The following C3orf52 variants were observed in gnomAD, a reference collection of about 807,000 sequenced individuals.
C3orf52 encodes chromosome 3 open reading frame 52, also known as TPA-induced transmembrane protein.
Under a neutral mutation model 24.8 loss-of-function variants are expected in C3orf52, and 22 were observed. The ratio of observed to expected loss-of-function variants is 0.89; its 90% confidence interval spans 0.63 to 1.27. The LOEUF is 1.27. C3orf52 is among the 50% of genes most tolerant of loss of function. C3orf52 has a pLI of 0.00. For synonymous variants in C3orf52, 93 were observed against 100.2 expected (o/e 0.93, Z 0.43); for missense variants, 265 against 260.7 (o/e 1.02, Z -0.11).
intron 5 of C3orf52, among the ~76,000 whole-genome samples, chr3:112,116,173 C>G (rs16859220): frequency 6.6e-6 from 1 of 152,160 alleles, no homozygotes. Flanking sequence ...AGGCTGGACT[C>G]CTGGTCTGTA....
chr3:112,120,057 G>T (rs1469990743), downstream of C3orf52, among the ~76,000 whole-genome samples: 1 of 152,174 alleles, frequency 6.6e-6, no homozygotes, highest in African/African-American at 2.4e-5. Flanking sequence ...GGAGAGGGAG[G>T]GCCCTCAGAC....
At chr3:112,133,288 G>T (rs2074503022), downstream of C3orf52, 1 of 703,002 alleles carries the variant, frequency 1.4e-6, no homozygotes, top group Admixed American at 2.4e-5. Context: ...GGAAGAGGCT[G>T]GGGGAGGAGT....
intron 4 of C3orf52, chr3:112,123,530 G>T (rs756370127): frequency 1.2e-6 from 2 of 1,614,090 alleles, no homozygotes; most frequent in East Asian, 4.5e-5. Context: ...AGGAGATTCT[G>T]TGAGGCATGA....
chr3:112,119,988 G>T (rs1353550781), downstream of C3orf52, among the ~76,000 whole-genome samples: 1 of 152,206 alleles, frequency 6.6e-6, no homozygotes, highest in African/African-American at 2.4e-5. Context: ...CTCAGTTCAG[G>T]CTTAGCTGAC....
chr3:112,125,162 G>A, intron 4 of C3orf52: 2 of 1,051,000 alleles, frequency 1.9e-6, no homozygotes, highest in African/African-American at 1.6e-5. Flanking sequence ...AACTTCTCCT[G>A]CCATTTAGGG....
chr3:112,130,618 C>A (rs2074430706), downstream of C3orf52: 5 of 1,001,610 alleles, frequency 5.0e-6, no homozygotes, highest in East Asian at 9.5e-5. Flanking sequence ...TTGTGTGTAA[C>A]TCAGAAATTG....
At chr3:112,131,101 T>A (rs1364232249), downstream of C3orf52, 1 of 153,104 alleles carries the variant, frequency 6.5e-6, no homozygotes, top group African/African-American at 2.4e-5. Context: ...CACTACTTAC[T>A]ATATGCCAAT....
intron 2 of C3orf52, among the ~76,000 whole-genome samples, chr3:112,094,723 C>T (rs565789829): frequency 3.3e-5 from 5 of 152,236 alleles, no homozygotes; most frequent in South Asian, 4.1e-4. Flanking sequence ...TATTAGTATT[C>T]GTTAAAGTTT....
In C3orf52 at chr3:112,117,012, G is replaced by C; in HGVS notation, c.*366G>C. The C allele has an allele frequency of 7.9e-7, 1 of 1,263,686 alleles. No individual in the cohort carries two copies. The allele number at this position is 1,263,686 out of a possible 1,614,324, so 78.3% of individuals were successfully genotyped here. A position where few individuals can be genotyped will look rare whatever the true frequency, so the allele number is the denominator to read the frequency against. On this transcript the variant is annotated 3_prime_UTR_variant, in exon 6 of 6. Coordinates refer to ENST00000264848, the MANE Select transcript of C3orf52 (RefSeq NM_024616.3). ...TCTGTCGCTTAGCTGGAGTGCGGTG[G>C]CGTGATCATGGCACTGCTATTCTTG...
At chr3:112,130,320 T>C (rs4276157), downstream of C3orf52, 523,035 of 768,608 alleles carry the variant, frequency 0.68, 178,964 homozygotes, top group East Asian at 0.78. Context: ...TTCACATTTG[T>C]TACTATTGCA....
chr3:112,109,530 TC>T lies in C3orf52; in HGVS notation c.397-12del. ...GGTAATGTGTGTGGTTTAATTTGCT[TC>T]TGTTTGTTTAGCTCACAGATGTGTA... On this transcript the variant is annotated splice_polypyrimidine_tract_variant and intron_variant, in intron 3 of 5. Coordinates refer to ENST00000264848, the MANE Select transcript of C3orf52 (RefSeq NM_024616.3). The T allele has an allele frequency of 6.5e-7, 1 of 1,533,650 alleles. No homozygotes were observed. The highest frequency in any genetic ancestry group is 8.9e-7 in the Non-Finnish European group (1 of 1,128,190).
Position 112,117,189 on chromosome 3 carries a change from C to A in C3orf52, c.*543C>A. 1 of 550,560 alleles carries A rather than the reference C, an allele frequency of 1.8e-6. No individual in the cohort carries two copies. Among genetic ancestry groups the A allele is most frequent in the Non-Finnish European group, 3.2e-6 (1 of 311,266 alleles). The allele number at this position is 550,560 out of a possible 1,614,324, so 34.1% of individuals were successfully genotyped here. ...GCCAATTATTCACTGAAGTCATCCT[C>A]CTCCCCCCCACCATTCGATTTGATC... On this transcript the variant is annotated 3_prime_UTR_variant, in exon 6 of 6. Coordinates refer to ENST00000264848, the MANE Select transcript of C3orf52 (RefSeq NM_024616.3).
chr3:112,127,924 C>G, intron 4 of C3orf52: 1 of 1,029,430 alleles, frequency 9.7e-7, no homozygotes, highest in Non-Finnish European at 1.5e-6. Context: ...CAGGCTTCCA[C>G]TGTGGCCACA....
At chr3:112,118,336 A>C (rs2107793036), downstream of C3orf52, 1 of 152,244 alleles carries the variant, frequency 6.6e-6, no homozygotes, top group African/African-American at 2.4e-5. Context: ...GGTGAATAAG[A>C]TCAAGCCAAG....
At chr3:112,099,543 A>G (rs899834169) in intron 2 of C3orf52, among the ~76,000 whole-genome samples, 3 of 152,182 alleles carry the variant, frequency 2.0e-5, no homozygotes, top group African/African-American at 7.2e-5. Context: ...ACCCTAATAC[A>G]TGCTAATTCA....
chr3:112,093,432 A>C lies in C3orf52; in HGVS notation c.211A>C (p.Thr71Pro). 1 of 1,613,680 alleles carries C rather than the reference A, an allele frequency of 6.2e-7. No individual in the cohort carries two copies. The highest frequency in any genetic ancestry group is 8.5e-7 in the Non-Finnish European group (1 of 1,179,718). Reference sequence around the variant, plus strand: ...AAGATGCAAACTGTGGATGATCATCACCTCCATTTTCCTAGGTGTCATTAC... The same window carrying C: ...AAGATGCAAACTGTGGATGATCATCCCCTCCATTTTCCTAGGTGTCATTAC... Reference protein sequence around the residue: ...VGRCKLWMIITSIFLGVITVI... With the variant: ...VGRCKLWMIIPSIFLGVITVI... Residue 71 changes from threonine to proline, a missense_variant, in exon 2 of 6, where the codon ACC (threonine) becomes CCC (proline). Transcript: ENST00000264848.
chr3:112,098,380 G>A (rs2073943186), intron 2 of C3orf52, among the ~76,000 whole-genome samples: 1 of 152,076 alleles, frequency 6.6e-6, no homozygotes, highest in Non-Finnish European at 1.5e-5. Flanking sequence ...GGGTTCATGA[G>A]GCTTCTCTTC....
intron 4 of C3orf52, chr3:112,125,319 G>A (rs2107802624): frequency 2.7e-6 from 3 of 1,111,894 alleles, no homozygotes; most frequent in East Asian, 4.7e-5. Context: ...AAGAGCAGGG[G>A]AGGCTAGAAT....
At chr3:112,135,756 T>C (rs561558320), downstream of C3orf52, among the ~76,000 whole-genome samples, 1 of 152,276 alleles carries the variant, frequency 6.6e-6, no homozygotes, top group African/African-American at 2.4e-5. Context: ...GTTTCATGTT[T>C]TGTTACCTCT....
Sources: gnomAD v4.1 joint callset for allele counts (sites outside exome capture counted in the v4.1 genomes callset) on GRCh38, gnomAD v4.1.1 for gene constraint, MANE v1.5 for transcripts, NCBI Gene and HGNC (gene_info 2026-07-23, HGNC 2026-07-21) for gene names.